The following CDC42EP3 variants were observed in gnomAD, a reference collection of about 807,000 sequenced individuals.
The protein encoded by CDC42EP3 is CDC42 effector protein 3, also known as CDC42 effector protein (Rho GTPase binding) 3.
Under a neutral mutation model 15.5 loss-of-function variants are expected in CDC42EP3, and 4 were observed. The observed-to-expected ratio is 0.26, with a 90% CI of 0.13 to 0.59. The LOEUF is 0.59. Among genes scored for constraint, CDC42EP3 ranks in the 20% least tolerant of loss-of-function variants. CDC42EP3 has a pLI of 0.89. For missense variants in CDC42EP3, 309 were observed against 311.2 expected, an observed-to-expected ratio of 0.99 and a Z score of 0.05; for synonymous variants, 145 against 130.3, an observed-to-expected ratio of 1.11 and a Z score of -0.77.
In CDC42EP3 at chr2:37,668,538, G is replaced by A. The variant is rs546129629; in HGVS notation, c.-236+2888C>T. Among the ~76,000 whole-genome samples the A allele has an allele frequency of 2.4e-4, 36 of 152,296 alleles. No homozygotes were observed. In the South Asian group the frequency reaches 5.4e-3, roughly 23 times the overall value. The stretch of plus-strand genomic sequence containing the variant: ...GACATGTGCCCAGGCAGCCTGACTC[G>A]GAGGCTTCAGAAGTTCAGTTTTTTT... On this transcript the variant is annotated intron_variant, in intron 1 of 1. Transcript: ENST00000295324.
chr2:37,644,549 G>A lies in CDC42EP3; in HGVS notation c.*1274C>T, dbSNP rs556844675. ...CAGGGATGAAACTGGACTTGCAAGAGTTTGCTGTAGAAGGTGTTCAAGTCA... is the reference window on the plus strand; with the variant it reads ...CAGGGATGAAACTGGACTTGCAAGAATTTGCTGTAGAAGGTGTTCAAGTCA... On this transcript the variant is annotated 3_prime_UTR_variant, in exon 2 of 2. Coordinates refer to ENST00000295324, the MANE Select transcript of CDC42EP3 (RefSeq NM_006449.5). 1 of 151,568 alleles carries A rather than the reference G, an allele frequency of 6.6e-6. No individual in the cohort carries two copies. The highest frequency in any genetic ancestry group is 2.4e-5 in the African/African-American group (1 of 41,170). The allele number at this position is 151,568 out of a possible 1,614,324, so 9.4% of individuals were successfully genotyped here. A position where few individuals can be genotyped will look rare whatever the true frequency, so the allele number is the denominator to read the frequency against.
intron 1 of CDC42EP3, among the ~76,000 whole-genome samples, chr2:37,656,948 C>T (rs1420472092): frequency 7.0e-6 from 1 of 143,722 alleles, no homozygotes; most frequent in Non-Finnish European, 1.5e-5. Flanking sequence ...TTGTGGTAAA[C>T]GTCAAAAGAT....
Position 37,646,105 on chromosome 2 carries a change from C to T in CDC42EP3, c.483G>A (p.Glu161=), listed in dbSNP as rs1245890616. 9.3e-6 allele frequency: 15 copies of T among 1,614,098 alleles called. No homozygotes were observed. Among genetic ancestry groups the T allele is most frequent in the Non-Finnish European group, 1.2e-5 (14 of 1,180,044 alleles). ...EKAQEKSSLL[E]NGTVHQGDTS... The stretch of plus-strand genomic sequence containing the variant: ...TGTCTCCCTGGTGGACTGTCCCATT[C>T]TCCAACAGACTGCTTTTCTCCTGAG... The change falls in exon 2 of 2, where the codon GAG becomes GAA. Residue 161 remains glutamate, a synonymous_variant. Transcript: ENST00000295324.
At position 37,642,979 on chromosome 2, in the gene CDC42EP3, A is replaced by AC. The variant is rs1333735723; in HGVS notation, c.*2843_*2844insG. ...GCAGATAATTTCAGGCAGAAATGAT[A>AC]TAGCTTGTCTTTTGTTAGGTCTCAC... On this transcript the variant is annotated 3_prime_UTR_variant, in exon 2 of 2. Transcript: ENST00000295324. The AC allele has an allele frequency of 6.6e-6, 1 of 152,236 alleles. No homozygotes were observed. Among genetic ancestry groups the AC allele is most frequent in the Non-Finnish European group, 1.5e-5 (1 of 68,040 alleles). The allele number at this position is 152,236 out of a possible 1,614,324, so 9.4% of individuals were successfully genotyped here.
chr2:37,660,987 A>G (rs1291068653), intron 1 of CDC42EP3, among the ~76,000 whole-genome samples: 3 of 152,196 alleles, frequency 2.0e-5, no homozygotes, highest in Non-Finnish European at 4.4e-5. Flanking sequence ...GGAAGAGCCT[A>G]AGGTCCTGAA....
At chr2:37,657,001 C>CCCCCCCCT (rs1208218676) in intron 1 of CDC42EP3, among the ~76,000 whole-genome samples, 1 of 103,212 alleles carries the variant, frequency 9.7e-6, no homozygotes, top group Admixed American at 1.2e-4. Context: ...CCCCCCGCCC[C>CCCCCCCCT]CCGCCATCCT....
At chr2:37,670,379 TACAACCTCAGCAC>T (rs1666369900) in intron 1 of CDC42EP3, among the ~76,000 whole-genome samples, 1 of 151,820 alleles carries the variant, frequency 6.6e-6, no homozygotes, top group African/African-American at 2.4e-5. Flanking sequence ...AGAGCCCCCC[TACAACCTCAGCAC>T]ACAGCAGCAG....
intron 1 of CDC42EP3, among the ~76,000 whole-genome samples, chr2:37,657,001 C>CCCCCCCCG (rs1208218676): frequency 2.3e-4 from 24 of 103,258 alleles, no homozygotes; most frequent in Admixed American, 1.2e-3. Flanking sequence ...CCCCCCGCCC[C>CCCCCCCCG]CCGCCATCCT....
At chr2:37,668,430 T>C (rs574115086) in intron 1 of CDC42EP3, among the ~76,000 whole-genome samples, 5 of 152,356 alleles carry the variant, frequency 3.3e-5, no homozygotes, top group Admixed American at 1.3e-4. Context: ...GAAATAATAT[T>C]ATCTCCATTT....
At chr2:37,651,852 T>C (rs995458896) in intron 1 of CDC42EP3, among the ~76,000 whole-genome samples, 1 of 152,114 alleles carries the variant, frequency 6.6e-6, no homozygotes, top group African/African-American at 2.4e-5. Flanking sequence ...ATGCCATGAC[T>C]TGAAATCCCA....
intron 1 of CDC42EP3, among the ~76,000 whole-genome samples, chr2:37,670,513 A>T (rs1666377417): frequency 6.7e-6 from 1 of 149,338 alleles, no homozygotes; most frequent in Non-Finnish European, 1.5e-5. Context: ...AACAAAATGT[A>T]ATTACTTGAC....
chr2:37,648,010 G>A (rs1002825968), intron 1 of CDC42EP3, among the ~76,000 whole-genome samples: 1 of 152,158 alleles, frequency 6.6e-6, no homozygotes, highest in African/African-American at 2.4e-5. Context: ...CTGTGAAATG[G>A]TAAATGTTGT....
chr2:37,662,039 A>G (rs1666070963), intron 1 of CDC42EP3, among the ~76,000 whole-genome samples: 1 of 152,046 alleles, frequency 6.6e-6, no homozygotes, highest in Non-Finnish European at 1.5e-5. Context: ...GGGCTCTGTG[A>G]TTCTATTTGC....
chr2:37,649,843 G>T (rs141660167), intron 1 of CDC42EP3, among the ~76,000 whole-genome samples: 2 of 152,158 alleles, frequency 1.3e-5, no homozygotes, highest in Non-Finnish European at 2.9e-5. Flanking sequence ...GCAAGAAAAG[G>T]GTTGGTGGGG....
chr2:37,660,319 G>C (rs959186286), intron 1 of CDC42EP3, among the ~76,000 whole-genome samples: 4 of 152,224 alleles, frequency 2.6e-5, no homozygotes, highest in African/African-American at 9.6e-5. Context: ...CCTACCACCA[G>C]CTTGATTAGA....
rs1453308939 is a variant in CDC42EP3, at chr2:37,650,960, A to G, written c.-235-4138T>C. ...CACAGAGAAATAACAAGGCTGTTCA[A>G]ACCAGCACAGTTTATAACAGTCAAG... On this transcript the variant is annotated intron_variant, in intron 1 of 1. Transcript: ENST00000295324. Among the ~76,000 whole-genome samples the G allele has an allele frequency of 3.3e-5, 5 of 152,260 alleles. No individual in the cohort carries two copies. In the East Asian group the frequency reaches 9.6e-4, roughly 29 times the overall value.
rs188907954 is a variant in CDC42EP3, at chr2:37,649,431, G to T, written c.-235-2609C>A. Among the ~76,000 whole-genome samples, 873 of 106,202 alleles carry T rather than the reference G, an allele frequency of 8.2e-3. 17 individuals are homozygous for T. The highest frequency in any genetic ancestry group is 0.03 in the African/African-American group (827 of 27,858). 69.7% of individuals were successfully genotyped at this position (106,202 alleles called of 152,430 possible). A position where few individuals can be genotyped will look rare whatever the true frequency, so the allele number is the denominator to read the frequency against. On this transcript the variant is annotated intron_variant, in intron 1 of 1. Transcript: ENST00000295324. ...GATTGTACCACTGCACTACAGCCTAGCAAGGCCTTGTCTCAAAAAAAAAAA... is the reference window on the plus strand; with the variant it reads ...GATTGTACCACTGCACTACAGCCTATCAAGGCCTTGTCTCAAAAAAAAAAA...
At chr2:37,664,134 A>G (rs921162332) in intron 1 of CDC42EP3, among the ~76,000 whole-genome samples, 24 of 152,276 alleles carry the variant, frequency 1.6e-4, no homozygotes, top group African/African-American at 5.1e-4. Flanking sequence ...AGACTGCGCC[A>G]CTGCACTCCA....
chr2:37,651,583 A>G (rs911483692), intron 1 of CDC42EP3, among the ~76,000 whole-genome samples: 9 of 152,242 alleles, frequency 5.9e-5, no homozygotes, highest in African/African-American at 2.2e-4. Flanking sequence ...TGCTTCTGTG[A>G]TCAGGCCTTC....
Sources: allele counts gnomAD v4.1 joint callset (sites outside exome capture counted in the v4.1 genomes callset), GRCh38; gene constraint gnomAD v4.1.1; transcripts MANE v1.5; gene names NCBI Gene and HGNC (gene_info 2026-07-23, HGNC 2026-07-21).